Variants in SPAG16 observed in about 807,000 individuals in gnomAD.
SPAG16 encodes the protein sperm associated antigen 16, also known as sperm-associated antigen 16 protein.
A neutral mutation model predicts 80.4 loss-of-function variants in SPAG16; 86 were observed. The observed-to-expected ratio is 1.07, with a 90% CI of 0.90 to 1.28. The LOEUF (loss-of-function observed/expected upper bound fraction) is 1.28, where lower values mean the gene tolerates loss of function less well. SPAG16 is among the 50% of genes most tolerant of loss of function. The probability of loss-of-function intolerance (pLI) is 0.00; values close to 1 mark genes in which losing one functional copy is unlikely to be tolerated. For missense variants in SPAG16, 870 were observed against 765.3 expected (o/e 1.14, Z -1.61); for synonymous variants, 294 against 265.9 (o/e 1.11, Z -1.03).
intron 10 of SPAG16, among the ~76,000 whole-genome samples, chr2:213,670,432 T>C (rs184406488): frequency 6.6e-6 from 1 of 152,250 alleles, no homozygotes; most frequent in African/African-American, 2.4e-5. Context: ...CTTTTTTTTC[T>C]CATAAACTGT....
chr2:213,876,212 G>C (rs942885121), intron 11 of SPAG16, among the ~76,000 whole-genome samples: 1 of 150,554 alleles, frequency 6.6e-6, no homozygotes, highest in Admixed American at 6.6e-5. Flanking sequence ...TTGAAATGTA[G>C]GTACATAACT....
rs369422940 is a variant in SPAG16, at chr2:214,261,031, TG to T, written c.1720+111768del. 5.4e-3 allele frequency among the ~76,000 whole-genome samples: 762 copies of T among 140,602 alleles called. 6 individuals carry two copies. Among genetic ancestry groups the T allele is most frequent in the African/African-American group, 0.019 (721 of 37,342 alleles). 92.2% of individuals were successfully genotyped at this position (140,602 alleles called of 152,430 possible). A position where few individuals can be genotyped will look rare whatever the true frequency, so the allele number is the denominator to read the frequency against. ...CTGAGGCAGGAGAATCGCTTGAACC[TG>T]GGAGGCAGAGGTTGCAGTGAGCCGA... On this transcript the variant is annotated intron_variant, in intron 15 of 15. Coordinates refer to ENST00000331683, the MANE Select transcript of SPAG16 (RefSeq NM_024532.5).
intron 15 of SPAG16, among the ~76,000 whole-genome samples, chr2:214,290,420 G>A (rs552864365): frequency 6.6e-6 from 1 of 151,774 alleles, no homozygotes; most frequent in East Asian, 1.9e-4. Flanking sequence ...TGATAATTTT[G>A]GATTTGACTT....
At chr2:214,124,665 T>C (rs1306337612) in intron 14 of SPAG16, among the ~76,000 whole-genome samples, 2 of 151,862 alleles carry the variant, frequency 1.3e-5, no homozygotes, top group Non-Finnish European at 2.9e-5. Flanking sequence ...CTTAATTGTA[T>C]GTTGGTGGAT....
chr2:213,332,594 C>T (rs2064156892), intron 5 of SPAG16, among the ~76,000 whole-genome samples: 1 of 152,072 alleles, frequency 6.6e-6, no homozygotes, highest in Non-Finnish European at 1.5e-5. Context: ...AAACCACAGG[C>T]CAGTATCTCT....
intron 15 of SPAG16, among the ~76,000 whole-genome samples, chr2:214,338,207 T>C (rs2126024873): frequency 6.6e-6 from 1 of 152,310 alleles, no homozygotes; most frequent in East Asian, 1.9e-4. Context: ...ATCTATTTCC[T>C]GTAACTTTTA....
intron 10 of SPAG16, among the ~76,000 whole-genome samples, chr2:213,670,239 G>A (rs1467228134): frequency 1.3e-5 from 2 of 151,872 alleles, no homozygotes; most frequent in Non-Finnish European, 2.9e-5. Context: ...CTTGTGATCT[G>A]CCTGGCTCAG....
intron 15 of SPAG16, among the ~76,000 whole-genome samples, chr2:214,171,671 C>T (rs2056871004): frequency 6.6e-6 from 1 of 151,886 alleles, no homozygotes; most frequent in Admixed American, 6.6e-5. Context: ...ATCAGTTCTA[C>T]TCCTATGTAG....
intron 14 of SPAG16, among the ~76,000 whole-genome samples, chr2:214,141,295 C>T (rs761405783): frequency 6.2e-4 from 94 of 151,782 alleles, no homozygotes; most frequent in Non-Finnish European, 9.3e-4. Context: ...GGTGAAACTC[C>T]GTCTCTACTA....
At chr2:214,352,773 A>G (rs528722603) in intron 15 of SPAG16, among the ~76,000 whole-genome samples, 6 of 152,192 alleles carry the variant, frequency 3.9e-5, no homozygotes, top group East Asian at 3.9e-4. Context: ...TGCTGGCTAC[A>G]TAAACTAAAC....
intron 15 of SPAG16, among the ~76,000 whole-genome samples, chr2:214,185,215 A>C (rs2057430504): frequency 6.7e-6 from 1 of 149,316 alleles, no homozygotes; most frequent in Non-Finnish European, 1.5e-5. Flanking sequence ...ATTCAAGAAA[A>C]TAACCTTTCT....
intron 10 of SPAG16, among the ~76,000 whole-genome samples, chr2:213,502,487 C>T (rs1019726949): frequency 2.0e-5 from 3 of 152,030 alleles, no homozygotes; most frequent in African/African-American, 4.8e-5. Context: ...TTTATTTGTT[C>T]ACCCTACTAT....
intron 9 of SPAG16, among the ~76,000 whole-genome samples, chr2:213,403,785 C>T (rs1285293290): frequency 6.6e-6 from 1 of 152,168 alleles, no homozygotes; most frequent in Non-Finnish European, 1.5e-5. Flanking sequence ...TTGCAGATGA[C>T]ATGATTGTAT....
chr2:213,796,089 C>T (rs1276451613), intron 10 of SPAG16, among the ~76,000 whole-genome samples: 1 of 152,036 alleles, frequency 6.6e-6, no homozygotes, highest in East Asian at 1.9e-4. Flanking sequence ...CTATTCAACT[C>T]CCCCCAAAAT....
intron 10 of SPAG16, among the ~76,000 whole-genome samples, chr2:213,624,864 C>T (rs542828203): frequency 6.6e-6 from 1 of 152,206 alleles, no homozygotes; most frequent in African/African-American, 2.4e-5. Context: ...GATCTCAGCT[C>T]ACTGCAACCT....
chr2:213,893,451 A>ACT (rs1330917428), intron 11 of SPAG16, among the ~76,000 whole-genome samples: 1 of 152,170 alleles, frequency 6.6e-6, no homozygotes, highest in African/African-American at 2.4e-5. Context: ...TGTGCAATTC[A>ACT]CTCATAACTC....
chr2:214,182,384 A>G (rs2057335758), intron 15 of SPAG16, among the ~76,000 whole-genome samples: 1 of 151,838 alleles, frequency 6.6e-6, no homozygotes, highest in Non-Finnish European at 1.5e-5. Flanking sequence ...TTCAAAGTAT[A>G]TAGTCTAAAA....
At chr2:213,915,707 C>G (rs556247996) in intron 11 of SPAG16, among the ~76,000 whole-genome samples, 232 of 152,310 alleles carry the variant, frequency 1.5e-3, no homozygotes, top group Non-Finnish European at 2.5e-3. Context: ...CTGTCTTTCA[C>G]AATGGTTGAA....
At chr2:213,627,475 A>G (rs1327139399) in intron 10 of SPAG16, among the ~76,000 whole-genome samples, 6 of 152,182 alleles carry the variant, frequency 3.9e-5, no homozygotes, top group Non-Finnish European at 8.8e-5. Context: ...ACTTGCGGAA[A>G]GCCCCTTTTT....
Sources: gnomAD v4.1 joint callset for allele counts (sites outside exome capture counted in the v4.1 genomes callset) on GRCh38, gnomAD v4.1.1 for gene constraint, MANE v1.5 for transcripts, NCBI Gene and HGNC (gene_info 2026-07-23, HGNC 2026-07-21) for gene names.